The following ERLIN2 variants were observed in gnomAD, a reference collection of about 807,000 sequenced individuals.
The protein encoded by ERLIN2 is erlin-2.
In ERLIN2, 22 loss-of-function variants were observed where a neutral mutation model predicts 41.5. That is an observed-to-expected ratio of 0.53 (90% CI 0.38 to 0.76). ERLIN2 has a LOEUF of 0.76. Among genes scored for constraint, ERLIN2 ranks in the 30% least tolerant of loss-of-function variants. The pLI is 0.00. For synonymous variants in ERLIN2, 149 were observed against 150.9 expected (o/e 0.99, Z 0.09); for missense variants, 247 against 414.3 (o/e 0.60, Z 3.51).
intron 10 of ERLIN2, among the ~76,000 whole-genome samples, chr8:37,752,996 T>A (rs1026227414): frequency 2.0e-5 from 3 of 152,200 alleles, no homozygotes; most frequent in African/African-American, 7.2e-5. Context: ...TGACCGTACT[T>A]AGAGCCACCT....
chr8:37,751,563 G>A, intron 9 of ERLIN2, 63 bp from the exon 10 acceptor site: 1 of 1,427,434 alleles, frequency 7.0e-7, no homozygotes, highest in South Asian at 1.2e-5. Context: ...CAGCTCGGGT[G>A]AAAGGTGAAA....
At chr8:37,745,367 A>G (rs1803005658) in intron 6 of ERLIN2, 1 of 606,272 alleles carries the variant, frequency 1.6e-6, no homozygotes, top group Non-Finnish European at 3.0e-6. Flanking sequence ...CCACGTGCCT[A>G]AGTAGATATG....
chr8:37,744,282 C>T lies in ERLIN2; in HGVS notation c.237-73C>T, dbSNP rs368988642. On this transcript the variant is annotated intron_variant, in intron 4 of 11. Coordinates refer to ENST00000519638, the MANE Select transcript of ERLIN2 (RefSeq NM_007175.8). ...CTTTTCTGCCAAGCCCCACATCTTA[C>T]GCCATCACCCTGGGGGACTGCACCA... 25 of 1,269,916 alleles carry T rather than the reference C, an allele frequency of 2.0e-5. 1 individual carries two copies. The East Asian group carries it at 2.3e-4, about 12-fold the overall frequency. 78.7% of individuals were successfully genotyped at this position (1,269,916 alleles called of 1,614,324 possible).
chr8:37,747,791 CTG>C (rs763185930), intron 6 of ERLIN2: 175 of 1,613,984 alleles, frequency 1.1e-4, no homozygotes, highest in Middle Eastern at 9.9e-4. Flanking sequence ...TCTTCGTCTT[CTG>C]TGTTACAAAA....
intron 4 of ERLIN2, 24 bp from the exon 5 acceptor site, chr8:37,744,328 ACTT>A: frequency 6.3e-7 from 1 of 1,599,510 alleles, no homozygotes; most frequent in Admixed American, 1.7e-5. Context: ...CTTCCCAGTG[ACTT>A]CTTGTCCATT....
intron 6 of ERLIN2, chr8:37,747,969 A>T: frequency 6.2e-7 from 1 of 1,614,240 alleles, no homozygotes; most frequent in Non-Finnish European, 8.5e-7. Context: ...CCCGAGTGTC[A>T]GAGCAGACTA....
intron 10 of ERLIN2, 145 bp downstream of exon 10, chr8:37,751,860 C>G: frequency 1.4e-6 from 1 of 722,368 alleles, no homozygotes. Context: ...CATGTGGAGA[C>G]TTGAGTTTTG....
chr8:37,744,247 T>C (rs1176285146), intron 4 of ERLIN2, 108 bp from the exon 5 acceptor site: 6 of 975,526 alleles, frequency 6.2e-6, no homozygotes, highest in Non-Finnish European at 8.4e-6. Flanking sequence ...TCCCGTGAAC[T>C]CTTCTACTCC....
chr8:37,746,108 A>G, intron 6 of ERLIN2: 1 of 995,116 alleles, frequency 1.0e-6, no homozygotes, highest in Non-Finnish European at 1.2e-6. Flanking sequence ...AAACTTTTTT[A>G]TTTTTACATC....
intron 4 of ERLIN2, among the ~76,000 whole-genome samples, chr8:37,742,971 C>T (rs1473684477): frequency 6.6e-6 from 1 of 152,120 alleles, no homozygotes; most frequent in African/African-American, 2.4e-5. Context: ...GCAAAGAGAT[C>T]CGAAGAGAAC....
In ERLIN2 at chr8:37,757,349, GTTTT is replaced by G. The variant is rs113291970; in HGVS notation, c.*3241_*3244del. 1 of 148,418 alleles carries G rather than the reference GTTTT, an allele frequency of 6.7e-6. No homozygotes were observed. The highest frequency in any genetic ancestry group is 2.1e-4 in the South Asian group (1 of 4,680). The allele number at this position is 148,418 out of a possible 1,614,324, so 9.2% of individuals were successfully genotyped here. ...TGCTTTTTTGTTGTTTCTAGCCACTGTTTTTTTTTTCTTGTTTCCTTATAAAACA... is the reference window on the plus strand; with the variant it reads ...TGCTTTTTTGTTGTTTCTAGCCACTGTTTTTTCTTGTTTCCTTATAAAACA... On this transcript the variant is annotated 3_prime_UTR_variant, in exon 12 of 12. Coordinates refer to ENST00000519638, the MANE Select transcript of ERLIN2 (RefSeq NM_007175.8).
chr8:37,754,025 C>T lies in ERLIN2; in HGVS notation c.930C>T (p.Gly310=). The T allele has an allele frequency of 6.2e-7, 1 of 1,613,904 alleles. No individual in the cohort carries two copies. Residue 310 remains glycine, a synonymous_variant, in exon 12 of 12, where the codon GGC becomes GGT. Coordinates refer to ENST00000519638, the MANE Select transcript of ERLIN2 (RefSeq NM_007175.8). ...DIPNMFMDSA[G]SVSKQFEGLA... ...CTAACATGTTCATGGACTCTGCGGG[C>T]AGTGTGAGCAAGCAGTTTGAGGGGC...
chr8:37,737,614 C>G (rs189842520), intron 1 of ERLIN2: 15 of 415,568 alleles, frequency 3.6e-5, no homozygotes, highest in Non-Finnish European at 5.9e-5. Context: ...CACAGGAAGA[C>G]AAGGCTGTGT....
chr8:37,738,514 T>G (rs1382436137), intron 2 of ERLIN2, among the ~76,000 whole-genome samples: 1 of 152,214 alleles, frequency 6.6e-6, no homozygotes, highest in Admixed American at 6.5e-5. Flanking sequence ...TAATTTGGGA[T>G]GCTCTTTTAA....
chr8:37,747,346 T>C (rs1554516974), intron 6 of ERLIN2: 2 of 1,295,668 alleles, frequency 1.5e-6, no homozygotes, highest in Non-Finnish European at 2.2e-6. Flanking sequence ...TTATTTGAAC[T>C]GGTTGTCAAT....
rs544839825 is a variant in ERLIN2, at chr8:37,758,089, T to G, written c.*3974T>G. 1 of 152,348 alleles carries G rather than the reference T, an allele frequency of 6.6e-6. No homozygotes were observed. The highest frequency in any genetic ancestry group is 2.1e-4 in the South Asian group (1 of 4,832). 9.4% of individuals were successfully genotyped at this position (152,348 alleles called of 1,614,324 possible). A position where few individuals can be genotyped will look rare whatever the true frequency, so the allele number is the denominator to read the frequency against. On this transcript the variant is annotated 3_prime_UTR_variant, in exon 12 of 12. Coordinates refer to ENST00000519638, the MANE Select transcript of ERLIN2 (RefSeq NM_007175.8). ...GTCCTAAACACTGCATGAGACATAC[T>G]CATACCAAAGTATTTGTTGCTTATG...
chr8:37,749,934 G>T, intron 8 of ERLIN2, 82 bp downstream of exon 8: 3 of 1,219,738 alleles, frequency 2.5e-6, no homozygotes, highest in Non-Finnish European at 3.7e-6. Context: ...AACCAAAGCT[G>T]CCAGGCTTCT....
At chr8:37,744,909 G>A (rs1281214454) in intron 6 of ERLIN2, 2 of 695,744 alleles carry the variant, frequency 2.9e-6, no homozygotes, top group South Asian at 1.5e-5. Flanking sequence ...TGGAGCTTTG[G>A]GCACAGGGAC....
chr8:37,750,416 T>C lies in ERLIN2; in HGVS notation c.579T>C (p.Leu193=), dbSNP rs1585915467. ...YELMESEKTK[L]LIAAQKQKVV... is the part of the protein sequence containing the mutation. ...TCAGGGAAAGTGAGAAGACAAAGCTTCTCATTGCCGCCCAGAAACAGAAGG... is the reference window on the plus strand; with the variant it reads ...TCAGGGAAAGTGAGAAGACAAAGCTCCTCATTGCCGCCCAGAAACAGAAGG... Residue 193 remains leucine, a synonymous_variant, in exon 9 of 12, where the codon CTT becomes CTC. Transcript: ENST00000519638. 3 of 1,613,610 alleles carry C rather than the reference T, an allele frequency of 1.9e-6. No homozygotes were observed. The South Asian group carries it at 3.3e-5, about 18-fold the overall frequency.
Sources: gnomAD v4.1 joint callset for allele counts (sites outside exome capture counted in the v4.1 genomes callset) on GRCh38, gnomAD v4.1.1 for gene constraint, MANE v1.5 for transcripts, NCBI Gene and HGNC (gene_info 2026-07-23, HGNC 2026-07-21) for gene names.